The following SYT1 variants were observed in gnomAD, a reference collection of about 807,000 sequenced individuals.
SYT1 encodes the protein synaptotagmin-1.
Under a neutral mutation model 44.8 loss-of-function variants are expected in SYT1, and 8 were observed. The ratio of observed to expected loss-of-function variants is 0.18; its 90% CI spans 0.10 to 0.32. The LOEUF is 0.32. Among genes scored for constraint, SYT1 ranks in the 10% least tolerant of loss-of-function variants. The pLI is 1.00. For synonymous variants in SYT1, 154 were observed against 188.8 expected (o/e 0.82, Z 1.51); for missense variants, 286 against 509.3 (o/e 0.56, Z 4.22).
At chr12:79,204,235 A>C (rs1239289329) in intron 3 of SYT1, among the ~76,000 whole-genome samples, 3 of 152,208 alleles carry the variant, frequency 2.0e-5, no homozygotes, top group Non-Finnish European at 4.4e-5. Context: ...TAAATGTTAG[A>C]TATTTTTATT....
intron 8 of SYT1, among the ~76,000 whole-genome samples, chr12:79,333,986 C>T (rs1274741786): frequency 1.3e-5 from 2 of 152,090 alleles, no homozygotes; most frequent in Admixed American, 6.6e-5. Context: ...TGACATTGCT[C>T]CCCTTCTGGA....
At chr12:78,903,182 T>A (rs1875759286) in intron 1 of SYT1, among the ~76,000 whole-genome samples, 1 of 151,856 alleles carries the variant, frequency 6.6e-6, no homozygotes, top group South Asian at 2.1e-4. Flanking sequence ...ATGTAGATAC[T>A]TTTTTGTGTT....
chr12:78,982,867 G>A (rs1424895761), intron 2 of SYT1, among the ~76,000 whole-genome samples: 3 of 152,048 alleles, frequency 2.0e-5, no homozygotes, highest in Non-Finnish European at 4.4e-5. Context: ...CCATCATGCA[G>A]CCTGAGTTCA....
chr12:79,291,936 C>T lies in SYT1; in HGVS notation c.352-72C>T. On this transcript the variant is annotated intron_variant, in intron 5 of 10. Transcript: ENST00000261205. ...TGCTTCGAACAGCTTGGAAGTGTAA[C>T]TACAGGCCCAGTTCAATTTGAGTTT... 7 of 1,588,052 alleles carry T rather than the reference C, an allele frequency of 4.4e-6. No individual in the cohort carries two copies. The South Asian group carries it at 7.8e-5, about 18-fold the overall frequency.
intron 9 of SYT1, among the ~76,000 whole-genome samples, chr12:79,363,022 T>TA (rs1883378649): frequency 6.6e-6 from 1 of 152,084 alleles, no homozygotes; most frequent in Non-Finnish European, 1.5e-5. Flanking sequence ...TTTCCATGGG[T>TA]AACCATAAAT....
chr12:79,179,339 T>G lies in SYT1; in HGVS notation c.-17-38164T>G, dbSNP rs572734255. On this transcript the variant is annotated intron_variant, in intron 3 of 10. Coordinates refer to ENST00000261205, the MANE Select transcript of SYT1 (RefSeq NM_005639.3). ...AGATATAGATATAGATATAGATATATCGATATGTCTATATCGATATAGATA... is the reference window on the plus strand; with the variant it reads ...AGATATAGATATAGATATAGATATAGCGATATGTCTATATCGATATAGATA... 3.1e-4 allele frequency among the ~76,000 whole-genome samples: 20 copies of G among 65,140 alleles called. 1 individual carries two copies. Among genetic ancestry groups the G allele is most frequent in the African/African-American group, 1.3e-3 (19 of 14,936 alleles). The allele number at this position is 65,140 out of a possible 152,430, so 42.7% of individuals were successfully genotyped here.
chr12:79,229,064 T>G (rs1875702880), intron 4 of SYT1, among the ~76,000 whole-genome samples: 1 of 152,210 alleles, frequency 6.6e-6, no homozygotes. Context: ...CAGGACCATT[T>G]TCTTACACAT....
intron 2 of SYT1, among the ~76,000 whole-genome samples, chr12:78,978,264 A>G (rs1868990122): frequency 6.6e-6 from 1 of 152,144 alleles, no homozygotes; most frequent in Non-Finnish European, 1.5e-5. Flanking sequence ...TCTGTAGATG[A>G]TCTTGAGCAG....
chr12:79,118,472 T>C, intron 3 of SYT1, among the ~76,000 whole-genome samples: 1 of 152,228 alleles, frequency 6.6e-6, no homozygotes, highest in East Asian at 1.9e-4. Flanking sequence ...TGTGCTAATC[T>C]TGATGTAAAA....
At chr12:79,426,883 C>T (rs962884423) in intron 9 of SYT1, among the ~76,000 whole-genome samples, 2 of 152,086 alleles carry the variant, frequency 1.3e-5, no homozygotes, top group Admixed American at 6.5e-5. Context: ...GGGGAGTTTC[C>T]CCCATGCTGT....
intron 7 of SYT1, 87 bp downstream of exon 7, chr12:79,296,323 A>G (rs769912694): frequency 2.6e-4 from 345 of 1,350,276 alleles, no homozygotes; most frequent in Non-Finnish European, 3.1e-4. Flanking sequence ...AGACATGCAC[A>G]TGAATGCTTG....
At position 79,449,218 on chromosome 12, in the gene SYT1, G is replaced by C. The variant is rs1368854993; in HGVS notation, c.*94G>C. 7.8e-7 allele frequency: 1 copy of C among 1,289,446 alleles called. No individual in the cohort carries two copies. The highest frequency in any genetic ancestry group is 1.1e-6 in the Non-Finnish European group (1 of 930,744). The allele number at this position is 1,289,446 out of a possible 1,614,324, so 79.9% of individuals were successfully genotyped here. A position where few individuals can be genotyped will look rare whatever the true frequency, so the allele number is the denominator to read the frequency against. On this transcript the variant is annotated 3_prime_UTR_variant, in exon 11 of 11. Transcript: ENST00000261205. ...TAATATGGGTCCTTTCATTTTTCCAGCCATGCATTCCTAACACAATTCAGT... is the reference window on the plus strand; with the variant it reads ...TAATATGGGTCCTTTCATTTTTCCACCCATGCATTCCTAACACAATTCAGT...
intron 5 of SYT1, 60 bp downstream of exon 5, chr12:79,286,031 A>G: frequency 6.6e-7 from 1 of 1,518,712 alleles, no homozygotes; most frequent in Non-Finnish European, 8.8e-7. Context: ...CAAATGTATT[A>G]TTTTATGCCA....
At chr12:79,059,671 C>T (rs1875230238) in intron 3 of SYT1, among the ~76,000 whole-genome samples, 1 of 152,008 alleles carries the variant, frequency 6.6e-6, no homozygotes, top group African/African-American at 2.4e-5. Flanking sequence ...CTGGCATCAA[C>T]AATTATGAAA....
chr12:79,322,639 G>C (rs1031961797), intron 8 of SYT1, among the ~76,000 whole-genome samples: 4 of 152,032 alleles, frequency 2.6e-5, no homozygotes, highest in African/African-American at 9.7e-5. Flanking sequence ...TCAAACTCTC[G>C]GGGCGTTGGG....
intron 3 of SYT1, among the ~76,000 whole-genome samples, chr12:79,112,378 C>CA (rs962135899): frequency 3.2e-4 from 49 of 151,616 alleles, no homozygotes; most frequent in Non-Finnish European, 5.8e-4. Context: ...AAGAGTGATA[C>CA]AAAAAAAAGT....
At chr12:78,984,876 T>G (rs1869528248) in intron 2 of SYT1, among the ~76,000 whole-genome samples, 1 of 151,706 alleles carries the variant, frequency 6.6e-6, no homozygotes, top group South Asian at 2.1e-4. Context: ...GGTCCCACAA[T>G]AGAAAAAGAA....
chr12:79,366,220 G>A (rs943590100), intron 9 of SYT1, among the ~76,000 whole-genome samples: 1 of 152,136 alleles, frequency 6.6e-6, no homozygotes, highest in South Asian at 2.1e-4. Context: ...CAGTAATTAG[G>A]AATCTATTCT....
chr12:79,075,320 C>A (rs1876568548), intron 3 of SYT1, among the ~76,000 whole-genome samples: 1 of 152,144 alleles, frequency 6.6e-6, no homozygotes, highest in African/African-American at 2.4e-5. Context: ...CTTATACTCA[C>A]TACAACTTCT....
Sources: allele counts gnomAD v4.1 joint callset (sites outside exome capture counted in the v4.1 genomes callset), GRCh38; gene constraint gnomAD v4.1.1; transcripts MANE v1.5; gene names NCBI Gene and HGNC (gene_info 2026-07-23, HGNC 2026-07-21).